Variants in MEGF11 observed in about 807,000 individuals in gnomAD.
MEGF11 encodes the protein multiple EGF like domains 11.
In MEGF11, 126 loss-of-function variants were observed where a neutral mutation model predicts 146.6. That is an observed-to-expected ratio of 0.86 (90% CI 0.74 to 1.00). The LOEUF is 1.00. Among genes scored for constraint, MEGF11 ranks in the 50% least tolerant of loss-of-function variants. The pLI is 0.00. For synonymous variants in MEGF11, 532 were observed against 583.4 expected (o/e 0.91, Z 1.27); for missense variants, 1,509 against 1,521.2 (o/e 0.99, Z 0.13).
intron 3 of MEGF11, among the ~76,000 whole-genome samples, chr15:66,121,216 G>A (rs532718978): frequency 1.3e-5 from 2 of 152,312 alleles, no homozygotes; most frequent in African/African-American, 4.8e-5. Flanking sequence ...CCATACCCCT[G>A]AGCAAACTTG....
chr15:66,037,270 C>T lies in MEGF11; in HGVS notation c.395-54782G>A, dbSNP rs935197301. On this transcript the variant is annotated intron_variant, in intron 5 of 25. Coordinates refer to ENST00000395614, the MANE Select transcript of MEGF11 (RefSeq NM_001385028.1). ...CCTGTAGGATTTAGCATTTCCGTCT[C>T]ATACTTACCATGAGTCAATGAACCA... Among the ~76,000 whole-genome samples the T allele has an allele frequency of 2.6e-5, 4 of 152,332 alleles. No individual in the cohort carries two copies. In the South Asian group the frequency reaches 6.2e-4, roughly 24 times the overall value.
intron 24 of MEGF11, chr15:65,905,248 C>A (rs964503080): frequency 2.0e-5 from 3 of 152,194 alleles, no homozygotes; most frequent in African/African-American, 7.2e-5. Flanking sequence ...TACATTAGTA[C>A]CACCTTTACA....
rs111821329 is a variant in MEGF11, at chr15:66,006,707, G to A, written c.395-24219C>T. Among the ~76,000 whole-genome samples, 658 of 152,308 alleles carry A rather than the reference G, an allele frequency of 4.3e-3. 4 individuals are homozygous for A. The highest frequency in any genetic ancestry group is 0.015 in the African/African-American group (614 of 41,538). On this transcript the variant is annotated intron_variant, in intron 5 of 25. Coordinates refer to ENST00000395614, the MANE Select transcript of MEGF11 (RefSeq NM_001385028.1). ...TCTATATCCCAGGAATAAGAGATCCGAATGACATTAAATAACCTGTATATA... is the reference window on the plus strand; with the variant it reads ...TCTATATCCCAGGAATAAGAGATCCAAATGACATTAAATAACCTGTATATA...
At chr15:65,957,492 G>C in intron 10 of MEGF11, 55 bp downstream of exon 10, 1 of 1,542,190 alleles carries the variant, frequency 6.5e-7, no homozygotes, top group Non-Finnish European at 8.8e-7. Context: ...CAGGAGGTGA[G>C]GGGAACTGGC....
Position 65,975,740 on chromosome 15 carries a change from G to A in MEGF11, c.762+5038C>T, listed in dbSNP as rs149359735. Among the ~76,000 whole-genome samples the A allele has an allele frequency of 1.3e-4, 20 of 152,328 alleles. No homozygotes were observed. The East Asian group carries it at 3.3e-3, about 25-fold the overall frequency. On this transcript the variant is annotated intron_variant, in intron 7 of 25. Transcript: ENST00000395614. ...TAGTCTTCCAGGTGGTTATAAAGAC[G>A]AAGTGAGATTAGAGATGTGAAGGAA...
At chr15:65,911,331 A>G (rs1469920841) in intron 21 of MEGF11, among the ~76,000 whole-genome samples, 3 of 152,254 alleles carry the variant, frequency 2.0e-5, no homozygotes, top group South Asian at 2.1e-4. Context: ...GGTTATCTGA[A>G]TAACAGTAGT....
chr15:65,928,653 C>G (rs1436023647), intron 12 of MEGF11, 126 bp from the exon 13 acceptor site: 2 of 540,824 alleles, frequency 3.7e-6, no homozygotes, highest in Non-Finnish European at 6.3e-6. Context: ...ATCTTGATGA[C>G]AAAACTGAGC....
chr15:66,046,692 G>A (rs980524474), intron 5 of MEGF11, among the ~76,000 whole-genome samples: 14 of 152,220 alleles, frequency 9.2e-5, no homozygotes, highest in Admixed American at 6.5e-5. Context: ...CACTTCTAAA[G>A]AGAGAGCCCA....
At chr15:65,942,828 T>C (rs2080047343) in intron 10 of MEGF11, among the ~76,000 whole-genome samples, 1 of 152,028 alleles carries the variant, frequency 6.6e-6, no homozygotes, top group Admixed American at 6.6e-5. Context: ...AGAATGAAGC[T>C]TCCCTGCAAA....
intron 5 of MEGF11, among the ~76,000 whole-genome samples, chr15:66,021,037 A>G (rs2083102574): frequency 7.8e-6 from 1 of 128,452 alleles, no homozygotes; most frequent in Non-Finnish European, 1.6e-5. Context: ...AAAAAAAAAA[A>G]AAAAAAGAAT....
intron 1 of MEGF11, among the ~76,000 whole-genome samples, chr15:66,248,214 GA>G (rs777825459): frequency 8.5e-5 from 13 of 152,178 alleles, no homozygotes; most frequent in Admixed American, 3.9e-4. Context: ...TTGGGAACAG[GA>G]AAGATGAAAA....
chr15:66,160,242 C>CCTCTCTCTCTCTCTCTCTCTCTCTCT (rs143653192), intron 1 of MEGF11, among the ~76,000 whole-genome samples: 29 of 133,500 alleles, frequency 2.2e-4, no homozygotes, highest in East Asian at 1.9e-3. Flanking sequence ...AAGGAAAAGC[C>CCTCTCTCTCTCTCTCTCTCTCTCTCT]CTCTCTCTCT....
intron 1 of MEGF11, among the ~76,000 whole-genome samples, chr15:66,182,057 T>A (rs1465497357): frequency 6.6e-6 from 1 of 152,026 alleles, no homozygotes; most frequent in Non-Finnish European, 1.5e-5. Flanking sequence ...GGCGGCCCCC[T>A]CCCTCACAGT....
intron 4 of MEGF11, among the ~76,000 whole-genome samples, chr15:66,107,164 G>A (rs1263080425): frequency 6.6e-6 from 1 of 152,120 alleles, no homozygotes; most frequent in Non-Finnish European, 1.5e-5. Flanking sequence ...TCAGCACAGC[G>A]TAAGGAGTGT....
chr15:65,995,893 ACT>A (rs1470173924), intron 5 of MEGF11, among the ~76,000 whole-genome samples: 1 of 152,204 alleles, frequency 6.6e-6, no homozygotes, highest in Non-Finnish European at 1.5e-5. Flanking sequence ...TATGTGAAGC[ACT>A]GTCTGAGTGC....
In MEGF11 at chr15:65,970,667, C is replaced by T. The variant is rs751950335; in HGVS notation, c.785G>A (p.Cys262Tyr). 1.2e-6 allele frequency: 2 copies of T among 1,612,144 alleles called. No individual in the cohort carries two copies. The highest frequency in any genetic ancestry group is 1.7e-6 in the Non-Finnish European group (2 of 1,179,108). Residue 262 changes from cysteine to tyrosine, a missense_variant, in exon 8 of 26, where the codon TGC (cysteine) becomes TAC (tyrosine). Coordinates refer to ENST00000395614, the MANE Select transcript of MEGF11 (RefSeq NM_001385028.1). ...GTTCTGGCCAAATGTCCCTGGTGGGCAGGGCTGGGCACACACTGCTCCCTA... is the reference window on the plus strand; with the variant it reads ...GTTCTGGCCAAATGTCCCTGGTGGGTAGGGCTGGGCACACACTGCTCCCTA... ...GWTGAVCAQP[C>Y]PPGTFGQNCS...
intron 6 of MEGF11, 139 bp from the exon 7 acceptor site, chr15:65,981,037 G>C: frequency 8.8e-7 from 1 of 1,138,024 alleles, no homozygotes; most frequent in East Asian, 2.8e-5. Context: ...CTGCAGTCCT[G>C]CTCCCTGCCA....
At chr15:65,974,184 T>C (rs996132525) in intron 7 of MEGF11, among the ~76,000 whole-genome samples, 4 of 152,136 alleles carry the variant, frequency 2.6e-5, no homozygotes, top group African/African-American at 7.2e-5. Flanking sequence ...TCTTTCAAGA[T>C]CATCCAGTTT....
At chr15:65,909,212 C>T in intron 22 of MEGF11, 77 bp from the exon 23 acceptor site, 1 of 1,058,010 alleles carries the variant, frequency 9.5e-7, no homozygotes, top group East Asian at 2.6e-5. Context: ...AGGAAGTACA[C>T]AAGTGGGCCA....
Sources: allele counts gnomAD v4.1 joint callset (sites outside exome capture counted in the v4.1 genomes callset), GRCh38; gene constraint gnomAD v4.1.1; transcripts MANE v1.5; gene names NCBI Gene and HGNC (gene_info 2026-07-23, HGNC 2026-07-21).